GPR141: variants seen among roughly 807,000 people sequenced by gnomAD.
GPR141 encodes probable G protein-coupled receptor 141.
GPR141 carries 6 observed loss-of-function variants against 6.8 expected under a neutral mutation model. That is an observed-to-expected ratio of 0.88 (90% CI 0.48 to 1.74). GPR141 has a LOEUF of 1.74. GPR141 is among the 40% of genes most tolerant of loss of function. The pLI, the probability that GPR141 is intolerant of heterozygous loss-of-function variation, is 0.01. For missense variants in GPR141, 372 were observed against 372.9 expected (o/e 1.00, Z 0.02); for synonymous variants, 140 against 142.3 (o/e 0.98, Z 0.11).
chr7:37,708,884 G>T (rs528378019), intron 2 of GPR141, among the ~76,000 whole-genome samples: 1 of 152,128 alleles, frequency 6.6e-6, no homozygotes, highest in Non-Finnish European at 1.5e-5. Flanking sequence ...CATTCAAAGC[G>T]AACTGCGTAT....
intron 2 of GPR141, among the ~76,000 whole-genome samples, chr7:37,722,435 A>G (rs936883711): frequency 6.6e-6 from 1 of 151,576 alleles, no homozygotes; most frequent in African/African-American, 2.4e-5. Flanking sequence ...TTAAAAAAAA[A>G]AAAAAGCCGG....
At chr7:37,703,542 C>T (rs772828103) in intron 2 of GPR141, among the ~76,000 whole-genome samples, 1 of 152,116 alleles carries the variant, frequency 6.6e-6, no homozygotes, top group Non-Finnish European at 1.5e-5. Flanking sequence ...ATTTTTCTTA[C>T]AGGAACATAG....
intron 2 of GPR141, among the ~76,000 whole-genome samples, chr7:37,714,967 G>C: frequency 6.6e-6 from 1 of 152,112 alleles, no homozygotes; most frequent in East Asian, 1.9e-4. Flanking sequence ...GATATTATTT[G>C]TCTTTATCCT....
In GPR141 at chr7:37,705,269, T is replaced by C. The variant is rs1043207873; in HGVS notation, c.-15+19686T>C. The stretch of plus-strand genomic sequence containing the variant: ...TCCACAATTCATGTGTTTGCTCTTT[T>C]GAAGAATATTCTGCCATAGAAAATA... On this transcript the variant is annotated intron_variant, in intron 2 of 2. Transcript: ENST00000334425. 2.8e-4 allele frequency among the ~76,000 whole-genome samples: 43 copies of C among 152,234 alleles called. 2 individuals carry two copies. The highest frequency in any genetic ancestry group is 1.5e-5 in the Non-Finnish European group (1 of 68,040).
chr7:37,722,319 G>A lies in GPR141; in HGVS notation c.-14-18061G>A, dbSNP rs1417976632. 2.0e-5 allele frequency among the ~76,000 whole-genome samples: 3 copies of A among 152,102 alleles called. No homozygotes were observed. The East Asian group carries it at 5.8e-4, about 29-fold the overall frequency. On this transcript the variant is annotated intron_variant, in intron 2 of 2. Transcript: ENST00000334425. ...AAGTGCACGGAAACAGGTCAGGCAT[G>A]CTGGCTTGCATCTGCAGTCCCAGCT...
At chr7:37,689,751 C>G (rs1809671540) in intron 2 of GPR141, among the ~76,000 whole-genome samples, 1 of 151,592 alleles carries the variant, frequency 6.6e-6, no homozygotes, top group East Asian at 1.9e-4. Flanking sequence ...TGTACAGTCT[C>G]TTTTCATTTC....
chr7:37,691,125 T>C (rs1809739758), intron 2 of GPR141, among the ~76,000 whole-genome samples: 1 of 152,160 alleles, frequency 6.6e-6, no homozygotes, highest in Non-Finnish European at 1.5e-5. Flanking sequence ...ATAAGTATAG[T>C]TACTCCTGCT....
In GPR141 at chr7:37,740,448, C is replaced by T; in HGVS notation, c.55C>T (p.His19Tyr). ...CTCTTGCGATCCTATAGTGACACCC[C>T]ACTTAATCAGCCTCTACTTCATAGT... ...NSSCDPIVTP[H>Y]LISLYFIVLI... Residue 19 changes from histidine (H) to tyrosine (Y), a missense_variant, in exon 3 of 3, where the codon CAC becomes TAC. Coordinates refer to ENST00000334425, the MANE Select transcript of GPR141 (RefSeq NM_001381946.1). 1 of 1,613,716 alleles carries T rather than the reference C, an allele frequency of 6.2e-7. No homozygotes were observed. Among genetic ancestry groups the T allele is most frequent in the Non-Finnish European group, 8.5e-7 (1 of 1,179,762 alleles).
intron 2 of GPR141, among the ~76,000 whole-genome samples, chr7:37,722,720 CA>C (rs146286812): frequency 0.014 from 1,739 of 121,102 alleles, 40 homozygotes; most frequent in African/African-American, 0.047. Context: ...GACTCCATCT[CA>C]AAAAAAAAAA....
At chr7:37,707,044 C>T (rs1382050549) in intron 2 of GPR141, among the ~76,000 whole-genome samples, 1 of 152,066 alleles carries the variant, frequency 6.6e-6, no homozygotes, top group East Asian at 1.9e-4. Flanking sequence ...TCTTCTCCTC[C>T]CCTTTACCTC....
At chr7:37,733,671 C>CAAAAAAAAAAAAAAA (rs55943222) in intron 2 of GPR141, among the ~76,000 whole-genome samples, 1 of 101,304 alleles carries the variant, frequency 9.9e-6, no homozygotes, top group Non-Finnish European at 1.9e-5. Context: ...AACTCCATCT[C>CAAAAAAAAAAAAAAA]AAAAAAAAAA....
In GPR141 at chr7:37,740,774, C is replaced by T. The variant is rs765497535; in HGVS notation, c.381C>T (p.Tyr127=). 1 of 1,614,138 alleles carries T rather than the reference C, an allele frequency of 6.2e-7. No individual in the cohort carries two copies. The highest frequency in any genetic ancestry group is 8.5e-7 in the Non-Finnish European group (1 of 1,180,000). The change falls in exon 3 of 3, where the codon TAC becomes TAT. Residue 127 remains tyrosine (Y), a synonymous_variant. Coordinates refer to ENST00000334425, the MANE Select transcript of GPR141 (RefSeq NM_001381946.1). ...FFKCKDKVEF[Y]RKLHAVAASA... is the part of the protein sequence containing the mutation. ...AGTGCAAAGACAAAGTGGAATTCTACAGAAAACTGCATGCTGTGGCTGCCA... is the reference window on the plus strand; with the variant it reads ...AGTGCAAAGACAAAGTGGAATTCTATAGAAAACTGCATGCTGTGGCTGCCA...
At chr7:37,720,977 C>T (rs778488853) in intron 2 of GPR141, among the ~76,000 whole-genome samples, 9 of 152,122 alleles carry the variant, frequency 5.9e-5, no homozygotes, top group Non-Finnish European at 1.2e-4. Flanking sequence ...GATAATTGGT[C>T]ATAGAGATAC....
chr7:37,690,793 G>A (rs62461634), intron 2 of GPR141, among the ~76,000 whole-genome samples: 51,506 of 151,418 alleles, frequency 0.34, 8,939 homozygotes, highest in Middle Eastern at 0.39. Flanking sequence ...TTCTGCAGCC[G>A]CTAGATGAAA....
chr7:37,741,188 T>C lies in GPR141; in HGVS notation c.795T>C (p.Tyr265=). 1.2e-6 allele frequency: 2 copies of C among 1,613,916 alleles called. No homozygotes were observed. Among genetic ancestry groups the C allele is most frequent in the Non-Finnish European group, 1.7e-6 (2 of 1,179,772 alleles). ...SNACNSKVAF[Y]NEIFLSVTAI... is the part of the protein sequence containing the mutation. Reference sequence around the variant, plus strand: ...CCTGTAACAGCAAGGTTGCATTTTATAACGAAATCTTCTTGAGTGTAACAG... The same window carrying C: ...CCTGTAACAGCAAGGTTGCATTTTACAACGAAATCTTCTTGAGTGTAACAG... The change falls in exon 3 of 3, where the codon TAT becomes TAC. Residue 265 remains tyrosine (Y), a synonymous_variant. Coordinates refer to ENST00000334425, the MANE Select transcript of GPR141 (RefSeq NM_001381946.1).
chr7:37,739,078 GC>G (rs1437965045), intron 2 of GPR141, among the ~76,000 whole-genome samples: 14 of 151,924 alleles, frequency 9.2e-5, no homozygotes, highest in Admixed American at 8.5e-4. Context: ...AAAATGTTTT[GC>G]CCCTCACAAG....
chr7:37,691,936 T>G (rs1809792975), intron 2 of GPR141, among the ~76,000 whole-genome samples: 1 of 152,238 alleles, frequency 6.6e-6, no homozygotes, highest in African/African-American at 2.4e-5. Context: ...TATTGCTGTT[T>G]TAAGAATTCT....
At chr7:37,737,661 T>C (rs893966539) in intron 2 of GPR141, among the ~76,000 whole-genome samples, 5 of 152,188 alleles carry the variant, frequency 3.3e-5, no homozygotes, top group African/African-American at 1.2e-4. Flanking sequence ...TTCCCCAGTG[T>C]GGCCCAGGGA....
intron 2 of GPR141, among the ~76,000 whole-genome samples, chr7:37,737,462 A>T (rs1461468697): frequency 2.0e-5 from 3 of 152,224 alleles, no homozygotes; most frequent in Non-Finnish European, 4.4e-5. Context: ...GTCTTGTCAA[A>T]TGGTCTAATC....
Sources: allele counts gnomAD v4.1 joint callset (sites outside exome capture counted in the v4.1 genomes callset), GRCh38; gene constraint gnomAD v4.1.1; transcripts MANE v1.5; gene names NCBI Gene and HGNC (gene_info 2026-07-23, HGNC 2026-07-21).